Variants in PLD5 observed in about 807,000 individuals in gnomAD.
PLD5 encodes inactive phospholipase D5.
A neutral mutation model predicts 61.1 loss-of-function variants in PLD5; 36 were observed. The ratio of observed to expected loss-of-function variants is 0.59; its 90% CI spans 0.45 to 0.78. The LOEUF (loss-of-function observed/expected upper bound fraction) is 0.78, where lower values mean the gene tolerates loss of function less well. PLD5 is among the 30% of genes least tolerant of loss of function. PLD5 has a pLI of 0.00. For missense variants in PLD5, 515 were observed against 644.4 expected, an observed-to-expected ratio of 0.80 and a Z score of 2.17; for synonymous variants, 243 against 242.8, an observed-to-expected ratio of 1.00 and a Z score of -0.01.
rs528192172 is a variant in PLD5, at chr1:242,385,699, C to A, written c.190-37457G>T. Among the ~76,000 whole-genome samples, 5 of 152,266 alleles carry A rather than the reference C, an allele frequency of 3.3e-5. No homozygotes were observed. The East Asian group carries it at 9.6e-4, about 29-fold the overall frequency. On this transcript the variant is annotated intron_variant, in intron 1 of 9. Transcript: ENST00000536534. Reference sequence around the variant, plus strand: ...AAAGGGAAAGAAGTAAGCATTTACCCTAACTTTTCAGGAGAAATTGTGCTT... The same window carrying A: ...AAAGGGAAAGAAGTAAGCATTTACCATAACTTTTCAGGAGAAATTGTGCTT...
chr1:242,450,087 C>T (rs542139834), intron 1 of PLD5, among the ~76,000 whole-genome samples: 36 of 152,300 alleles, frequency 2.4e-4, no homozygotes, highest in Middle Eastern at 6.8e-3. Flanking sequence ...CTAGCCTGTG[C>T]TGCTCACTTA....
intron 2 of PLD5, among the ~76,000 whole-genome samples, chr1:242,323,356 G>A (rs1428745589): frequency 6.6e-6 from 1 of 152,166 alleles, no homozygotes; most frequent in Non-Finnish European, 1.5e-5. Context: ...CCTCCCTTTA[G>A]GTAACTGTTT....
intron 5 of PLD5, among the ~76,000 whole-genome samples, chr1:242,148,464 T>A (rs868157208): frequency 5.0e-4 from 75 of 151,504 alleles, no homozygotes; most frequent in African/African-American, 1.8e-3. Flanking sequence ...GTTGTAGCTG[T>A]TCTAATTCTT....
At chr1:242,110,759 G>A (rs939290801) in intron 7 of PLD5, among the ~76,000 whole-genome samples, 1 of 152,014 alleles carries the variant, frequency 6.6e-6, no homozygotes, top group African/African-American at 2.4e-5. Flanking sequence ...GCAGTGAGCC[G>A]AGATCTTGCC....
At position 242,492,284 on chromosome 1, in the gene PLD5, C is replaced by T. The variant is rs564119206; in HGVS notation, c.189+31804G>A. Among the ~76,000 whole-genome samples the T allele has an allele frequency of 3.0e-4, 45 of 151,818 alleles. 1 individual carries two copies. Among genetic ancestry groups the T allele is most frequent in the African/African-American group, 9.9e-4 (41 of 41,400 alleles). ...CCCAGCACCTTGGGAGGTCGAGGCA[C>T]GTGGATCACCTGAGGTCAGGAGTTC... On this transcript the variant is annotated intron_variant, in intron 1 of 9. Transcript: ENST00000536534.
chr1:242,496,108 A>G lies in PLD5; in HGVS notation c.189+27980T>C, dbSNP rs538114542. ...TAGTGCCTCTGTTGTACAACCAGGG[A>G]CATTCCTAGACCAAAATAATATCTG... On this transcript the variant is annotated intron_variant, in intron 1 of 9. Coordinates refer to ENST00000536534, the MANE Select transcript of PLD5 (RefSeq NM_001372062.1). 5.9e-4 allele frequency among the ~76,000 whole-genome samples: 90 copies of G among 152,362 alleles called. 1 individual carries two copies. Among genetic ancestry groups the G allele is most frequent in the African/African-American group, 2.1e-3 (88 of 41,588 alleles).
chr1:242,132,192 C>T (rs2574671), intron 5 of PLD5, among the ~76,000 whole-genome samples: 13,698 of 21,654 alleles, frequency 0.63, 3,559 homozygotes, highest in Middle Eastern at 0.72. Flanking sequence ...GCAGTGATTG[C>T]GGGGGGGGGG....
intron 1 of PLD5, among the ~76,000 whole-genome samples, chr1:242,430,138 G>A (rs776005717): frequency 4.0e-5 from 6 of 151,780 alleles, no homozygotes; most frequent in Non-Finnish European, 7.4e-5. Flanking sequence ...CTGCATGGAT[G>A]TCGGGCCTAG....
intron 3 of PLD5, among the ~76,000 whole-genome samples, chr1:242,279,593 G>C (rs1198378885): frequency 1.3e-5 from 2 of 152,022 alleles, no homozygotes; most frequent in East Asian, 3.9e-4. Context: ...TAGAGCAGTG[G>C]CACAATCTCA....
rs1195114426 is a variant in PLD5 at position 242,524,644 on chromosome 1, G to A, written c.-368C>T. The A allele has an allele frequency of 2.4e-5, 4 of 168,530 alleles. No homozygotes were observed. The highest frequency in any genetic ancestry group is 3.8e-5 in the Non-Finnish European group (3 of 79,242). The allele number at this position is 168,530 out of a possible 1,614,324, so 10.4% of individuals were successfully genotyped here. On this transcript the variant is annotated 5_prime_UTR_variant, in exon 1 of 10. Transcript: ENST00000536534. ...CCCGGTGCGGCGGCGACGTCGCCCG[G>A]CGGCTGCGGTCCCGAGCGGGCGCTC...
In PLD5 at chr1:242,240,276, T is replaced by A. The variant is rs547662792; in HGVS notation, c.608-20161A>T. On this transcript the variant is annotated intron_variant, in intron 4 of 9. Transcript: ENST00000536534. Reference sequence around the variant, plus strand: ...ATCTTCTCTTGGCATAGAGTCAGCCTCCAAATCCCATTGCTTCATCCTGCT... The same window carrying A: ...ATCTTCTCTTGGCATAGAGTCAGCCACCAAATCCCATTGCTTCATCCTGCT... Among the ~76,000 whole-genome samples the A allele has an allele frequency of 2.6e-5, 4 of 152,330 alleles. 1 individual carries two copies. The South Asian group carries it at 8.3e-4, about 32-fold the overall frequency.
At chr1:242,272,046 G>A (rs1355473117) in intron 3 of PLD5, among the ~76,000 whole-genome samples, 2 of 151,976 alleles carry the variant, frequency 1.3e-5, no homozygotes, top group Non-Finnish European at 2.9e-5. Flanking sequence ...ATATTAGAAG[G>A]CTCCTCAGGA....
intron 3 of PLD5, among the ~76,000 whole-genome samples, chr1:242,284,291 C>A (rs1390603246): frequency 6.6e-6 from 1 of 151,902 alleles, no homozygotes; most frequent in Non-Finnish European, 1.5e-5. Flanking sequence ...GCATGTGCCA[C>A]CACGCCCAGC....
intron 5 of PLD5, among the ~76,000 whole-genome samples, chr1:242,126,582 T>C (rs1662802929): frequency 6.6e-6 from 1 of 152,184 alleles, no homozygotes; most frequent in Non-Finnish European, 1.5e-5. Context: ...ATTCAACAAA[T>C]GGTGCTGGGA....
At chr1:242,482,815 C>A (rs143190017) in intron 1 of PLD5, among the ~76,000 whole-genome samples, 6,591 of 152,238 alleles carry the variant, frequency 0.043, 230 homozygotes, top group Middle Eastern at 0.061. Flanking sequence ...AGAGAAAGGT[C>A]GTGTTACCCA....
chr1:242,410,296 C>T (rs972924456), intron 1 of PLD5, among the ~76,000 whole-genome samples: 2 of 152,154 alleles, frequency 1.3e-5, no homozygotes, highest in Non-Finnish European at 2.9e-5. Flanking sequence ...ACTATGAGAA[C>T]TGTCCCAAAC....
chr1:242,334,471 G>T (rs139450594), intron 2 of PLD5, among the ~76,000 whole-genome samples: 2 of 152,220 alleles, frequency 1.3e-5, no homozygotes, highest in African/African-American at 4.8e-5. Context: ...TACAGGAAAC[G>T]CCGTGATATG....
In PLD5 at chr1:242,322,364, C is replaced by T. The variant is rs199541850; in HGVS notation, c.326+25742G>A. On this transcript the variant is annotated intron_variant, in intron 2 of 9. Transcript: ENST00000536534. ...ATATCTACCTTTTTCAAGTCTTTGTCCAAAATCCACAGACTCTGTCAGGGC... is the reference window on the plus strand; with the variant it reads ...ATATCTACCTTTTTCAAGTCTTTGTTCAAAATCCACAGACTCTGTCAGGGC... Among the ~76,000 whole-genome samples the T allele has an allele frequency of 1.8e-3, 269 of 152,318 alleles. 2 individuals are homozygous for T. Among genetic ancestry groups the T allele is most frequent in the African/African-American group, 6.1e-3 (254 of 41,560 alleles).
At chr1:242,124,693 T>G in intron 5 of PLD5, 28 bp from the exon 6 acceptor site, 5 of 1,565,586 alleles carry the variant, frequency 3.2e-6, no homozygotes, top group Non-Finnish European at 4.4e-6. Flanking sequence ...AAAGCATCAA[T>G]GCCATGTGTG....
Sources: gnomAD v4.1 joint callset for allele counts (sites outside exome capture counted in the v4.1 genomes callset) on GRCh38, gnomAD v4.1.1 for gene constraint, MANE v1.5 for transcripts, NCBI Gene and HGNC (gene_info 2026-07-23, HGNC 2026-07-21) for gene names.